ITPR1: variants seen among roughly 807,000 people sequenced by gnomAD.
The protein encoded by ITPR1 is inositol 1,4,5-trisphosphate-gated calcium channel ITPR1.
Under a neutral mutation model 318.4 loss-of-function variants are expected in ITPR1, and 96 were observed. That is an observed-to-expected ratio of 0.30 (90% CI 0.26 to 0.36). The LOEUF (loss-of-function observed/expected upper bound fraction) is 0.36, where lower values mean the gene tolerates loss of function less well. Ranked by LOEUF, ITPR1 falls within the 10% of genes least tolerant of loss-of-function variation. The pLI is 1.00. For synonymous variants in ITPR1, 1,312 were observed against 1,289.9 expected, an observed-to-expected ratio of 1.02 and a Z score of -0.37; for missense variants, 2,440 against 3,460.2, an observed-to-expected ratio of 0.71 and a Z score of 7.40.
In ITPR1 at chr3:4,815,104, GTCA is replaced by G; in HGVS notation, c.7761_7763del (p.Ile2588del). The G allele has an allele frequency of 6.2e-7, 1 of 1,613,810 alleles. No individual in the cohort carries two copies. Among genetic ancestry groups the G allele is most frequent in the Non-Finnish European group, 8.5e-7 (1 of 1,179,782 alleles). The stretch of plus-strand genomic sequence containing the variant: ...TTATGACCTCTTGTTCTTCTTCATG[GTCA>G]TCATCATTGTTCTTAACCTGATTTT... On this transcript the variant is annotated inframe_deletion, in exon 59 of 62. Coordinates refer to ENST00000649015, the MANE Select transcript of ITPR1 (RefSeq NM_001378452.1).
chr3:4,557,326 C>G (rs2086226792), intron 4 of ITPR1, among the ~76,000 whole-genome samples: 2 of 152,238 alleles, frequency 1.3e-5, no homozygotes, highest in Middle Eastern at 3.4e-3. Flanking sequence ...TCTTGTGAGA[C>G]TTATTAACTA....
At chr3:4,840,452 G>A (rs369077421) in intron 61 of ITPR1, among the ~76,000 whole-genome samples, 4 of 152,066 alleles carry the variant, frequency 2.6e-5, no homozygotes, top group African/African-American at 9.7e-5. Context: ...ATTACTTAGA[G>A]GTTTTTTTTG....
intron 4 of ITPR1, among the ~76,000 whole-genome samples, chr3:4,584,346 T>C (rs919728047): frequency 6.6e-6 from 1 of 152,108 alleles, no homozygotes; most frequent in African/African-American, 2.4e-5. Context: ...GCCTAAGTTT[T>C]AAAGAGATGA....
intron 61 of ITPR1, among the ~76,000 whole-genome samples, chr3:4,837,672 C>G (rs931183729): frequency 1.4e-4 from 22 of 151,972 alleles, no homozygotes; most frequent in Non-Finnish European, 1.0e-4. Context: ...TTGTAGGGGA[C>G]ATGTTTATAC....
intron 41 of ITPR1, among the ~76,000 whole-genome samples, chr3:4,725,841 C>A (rs2125306758): frequency 6.6e-6 from 1 of 152,242 alleles, no homozygotes; most frequent in Non-Finnish European, 1.5e-5. Context: ...TCACTCAGAA[C>A]CATCTTAATC....
chr3:4,532,473 T>TC (rs145043164), intron 4 of ITPR1, among the ~76,000 whole-genome samples: 4,049 of 152,226 alleles, frequency 0.027, 83 homozygotes, highest in Non-Finnish European at 0.042. Context: ...TAAGTGATCT[T>TC]CCCCCCTCAG....
At chr3:4,585,034 G>A (rs2089747766) in intron 4 of ITPR1, among the ~76,000 whole-genome samples, 1 of 152,178 alleles carries the variant, frequency 6.6e-6, no homozygotes, top group South Asian at 2.1e-4. Flanking sequence ...CCACGTCAGT[G>A]AGAGCTGGTG....
chr3:4,566,981 C>G (rs1227896357), intron 4 of ITPR1, among the ~76,000 whole-genome samples: 5 of 152,224 alleles, frequency 3.3e-5, no homozygotes, highest in Non-Finnish European at 7.3e-5. Context: ...TAGGTTAAGA[C>G]TGCCTGAGTT....
At chr3:4,813,934 C>T (rs773435195) in intron 57 of ITPR1, among the ~76,000 whole-genome samples, 6 of 152,210 alleles carry the variant, frequency 3.9e-5, no homozygotes, top group Non-Finnish European at 7.3e-5. Flanking sequence ...ATGGCTCTTA[C>T]TGCATAAACC....
chr3:4,675,309 C>A, intron 23 of ITPR1, 61 bp downstream of exon 23: 1 of 1,198,014 alleles, frequency 8.3e-7, no homozygotes, highest in South Asian at 1.4e-5. Context: ...CTGTTATGCT[C>A]ATGTCATACC....
At chr3:4,581,920 G>T (rs2089385184) in intron 4 of ITPR1, among the ~76,000 whole-genome samples, 1 of 151,392 alleles carries the variant, frequency 6.6e-6, no homozygotes, top group African/African-American at 2.4e-5. Flanking sequence ...GGGTCTTGAA[G>T]ATTTTGTGAG....
At chr3:4,527,451 T>G (rs575052714) in intron 4 of ITPR1, among the ~76,000 whole-genome samples, 2 of 152,282 alleles carry the variant, frequency 1.3e-5, no homozygotes, top group South Asian at 4.1e-4. Context: ...CTGGGATTAC[T>G]GGTGTGAGCC....
rs2082529693 is a variant in ITPR1, at chr3:4,521,112, C to G, written c.163+18C>G. The G allele has an allele frequency of 6.3e-7, 1 of 1,578,428 alleles. No individual in the cohort carries two copies. The highest frequency in any genetic ancestry group is 8.7e-7 in the Non-Finnish European group (1 of 1,148,054). ...ATTCAGAGGTAAGGTGGTGGCTTTC[C>G]TGGAGTAGTCACCTTGACTCACTTG... is the stretch of plus-strand genomic sequence containing the variant. On this transcript the variant is annotated intron_variant, in intron 4 of 61. Coordinates refer to ENST00000649015, the MANE Select transcript of ITPR1 (RefSeq NM_001378452.1).
At chr3:4,727,088 A>C in intron 41 of ITPR1, 38 bp from the exon 42 acceptor site, 1 of 1,537,346 alleles carries the variant, frequency 6.5e-7, no homozygotes, top group Non-Finnish European at 8.9e-7. Context: ...GTGTCTCCTT[A>C]GTGTTGTATT....
At chr3:4,675,752 T>TTAGG (rs1235829061) in intron 23 of ITPR1, among the ~76,000 whole-genome samples, 1 of 152,246 alleles carries the variant, frequency 6.6e-6, no homozygotes, top group East Asian at 1.9e-4. Flanking sequence ...CTTCCTCGTT[T>TTAGG]TAGGGTCAGA....
In ITPR1 at chr3:4,795,057, C is replaced by T; in HGVS notation, c.6809-8C>T. 6.2e-7 allele frequency: 1 copy of T among 1,600,782 alleles called. No homozygotes were observed. Among genetic ancestry groups the T allele is most frequent in the Non-Finnish European group, 8.5e-7 (1 of 1,171,894 alleles). ...CAGCCTCACGCGGCTTTGCCTTTGT[C>T]TCTGCAGCCCAGCCCGTGTTGTACT... On this transcript the variant is annotated splice_region_variant and splice_polypyrimidine_tract_variant and intron_variant, in intron 52 of 61. Coordinates refer to ENST00000649015, the MANE Select transcript of ITPR1 (RefSeq NM_001378452.1).
At chr3:4,670,300 A>G (rs1309747575) in intron 19 of ITPR1, among the ~76,000 whole-genome samples, 8 of 152,228 alleles carry the variant, frequency 5.3e-5, no homozygotes, top group Admixed American at 2.6e-4. Flanking sequence ...AGCTAGTGAT[A>G]CTTCATTGAT....
chr3:4,757,231 T>C (rs1029573317), intron 44 of ITPR1, among the ~76,000 whole-genome samples: 1 of 152,172 alleles, frequency 6.6e-6, no homozygotes, highest in Non-Finnish European at 1.5e-5. Context: ...AATCATTGGT[T>C]TCTAAAAAAG....
chr3:4,595,869 C>T (rs1399012218), intron 4 of ITPR1, among the ~76,000 whole-genome samples: 1 of 152,074 alleles, frequency 6.6e-6, no homozygotes, highest in Non-Finnish European at 1.5e-5. Flanking sequence ...CTTAAGAAAT[C>T]AGAAAGGTCA....
Sources: gnomAD v4.1 joint callset for allele counts (sites outside exome capture counted in the v4.1 genomes callset) on GRCh38, gnomAD v4.1.1 for gene constraint, MANE v1.5 for transcripts, NCBI Gene and HGNC (gene_info 2026-07-23, HGNC 2026-07-21) for gene names.